Variants in SPTY2D1 observed in about 807,000 individuals in gnomAD.
SPTY2D1 encodes the protein SPT2 chromatin protein domain containing 1, also known as protein SPT2 homolog.
A neutral mutation model predicts 64.0 loss-of-function variants in SPTY2D1; 21 were observed. That is an observed-to-expected ratio of 0.33 (90% CI 0.23 to 0.47). The LOEUF (loss-of-function observed/expected upper bound fraction) is 0.47, where lower values mean the gene tolerates loss of function less well. SPTY2D1 is among the 20% of genes least tolerant of loss of function. The pLI is 1.00. For synonymous variants in SPTY2D1, 287 were observed against 286.8 expected (o/e 1.00, Z -0.01); for missense variants, 724 against 837.2 (o/e 0.86, Z 1.67).
At chr11:18,628,774 A>G (rs1473218325) in intron 1 of SPTY2D1, among the ~76,000 whole-genome samples, 1 of 152,204 alleles carries the variant, frequency 6.6e-6, no homozygotes, top group East Asian at 1.9e-4. Flanking sequence ...ATTATAGATC[A>G]AACATTACCT....
At chr11:18,617,371 A>C (rs1854315283) in intron 1 of SPTY2D1, among the ~76,000 whole-genome samples, 1 of 152,088 alleles carries the variant, frequency 6.6e-6, no homozygotes, top group South Asian at 2.1e-4. Flanking sequence ...TCATGCCTGT[A>C]ATCTCAGCAC....
chr11:18,622,268 G>A (rs1854423876), intron 1 of SPTY2D1, among the ~76,000 whole-genome samples: 1 of 151,916 alleles, frequency 6.6e-6, no homozygotes, highest in Non-Finnish European at 1.5e-5. Flanking sequence ...GGTGGCTCAT[G>A]TCTGTAATCC....
At position 18,608,711 on chromosome 11, in the gene SPTY2D1, T is replaced by C. The variant is rs1211009750; in HGVS notation, c.*1150A>G. 1 of 152,450 alleles carries C rather than the reference T, an allele frequency of 6.6e-6. No individual in the cohort carries two copies. The highest frequency in any genetic ancestry group is 2.4e-5 in the African/African-American group (1 of 41,398). The allele number at this position is 152,450 out of a possible 1,614,324, so 9.4% of individuals were successfully genotyped here. On this transcript the variant is annotated 3_prime_UTR_variant, in exon 6 of 6. Transcript: ENST00000336349. ...GCTATTAAGTCCATATTTATGACTT[T>C]AAAAAGGGTAAAAATGAGTTTCCAC...
rs145942105 is a variant in SPTY2D1 at position 18,621,257 on chromosome 11, C to A, written c.61-4268G>T. ...GTTGCAGTGAGCCGAGATCGCACCA[C>A]TGCACTTCAGCCTGGGTGATTGTAC... On this transcript the variant is annotated intron_variant, in intron 1 of 5. Coordinates refer to ENST00000336349, the MANE Select transcript of SPTY2D1 (RefSeq NM_194285.3). Among the ~76,000 whole-genome samples, 748 of 151,886 alleles carry A rather than the reference C, an allele frequency of 4.9e-3. 10 individuals are homozygous for A. The highest frequency in any genetic ancestry group is 0.017 in the African/African-American group (690 of 41,408).
chr11:18,621,280 T>C (rs902468465), intron 1 of SPTY2D1, among the ~76,000 whole-genome samples: 3 of 149,532 alleles, frequency 2.0e-5, no homozygotes, highest in Non-Finnish European at 4.4e-5. Flanking sequence ...TGGGTGATTG[T>C]ACTCTACCCT....
intron 1 of SPTY2D1, among the ~76,000 whole-genome samples, chr11:18,622,741 C>G (rs938487524): frequency 3.6e-4 from 55 of 152,130 alleles, no homozygotes; most frequent in African/African-American, 1.1e-3. Context: ...CACCTGAGGT[C>G]AGGAGTTCGA....
chr11:18,618,557 A>T (rs1406723904), intron 1 of SPTY2D1, among the ~76,000 whole-genome samples: 2 of 152,226 alleles, frequency 1.3e-5, no homozygotes, highest in Non-Finnish European at 2.9e-5. Context: ...CATTAAATCC[A>T]GGAAATAAGA....
At chr11:18,632,618 G>A (rs1293819699) in intron 1 of SPTY2D1, among the ~76,000 whole-genome samples, 1 of 152,152 alleles carries the variant, frequency 6.6e-6, no homozygotes, top group African/African-American at 2.4e-5. Context: ...CAAAGTGCTG[G>A]GATTACAGGC....
chr11:18,634,122 G>C (rs2134121181), intron 1 of SPTY2D1, 76 bp downstream of exon 1: 1 of 1,542,212 alleles, frequency 6.5e-7, no homozygotes, highest in East Asian at 2.2e-5. Context: ...CGGCTGCCCA[G>C]AAGTTCCATG....
At chr11:18,623,649 G>C (rs1179793815) in intron 1 of SPTY2D1, among the ~76,000 whole-genome samples, 1 of 152,146 alleles carries the variant, frequency 6.6e-6, no homozygotes, top group Non-Finnish European at 1.5e-5. Context: ...AAAACCCGAG[G>C]CTTCTAAGAA....
intron 3 of SPTY2D1, among the ~76,000 whole-genome samples, chr11:18,613,058 C>T (rs551449552): frequency 3.3e-5 from 5 of 152,178 alleles, no homozygotes; most frequent in African/African-American, 7.2e-5. Context: ...CCACCGCGCC[C>T]GGCCAAAATC....
Position 18,622,101 on chromosome 11 carries a change from A to AAAAAAAAAAAAAAAAAAAAAAC in SPTY2D1, c.61-5113_61-5112insGTTTTTTTTTTTTTTTTTTTTT, listed in dbSNP as rs71050618. 1.1e-3 allele frequency among the ~76,000 whole-genome samples: 93 copies of AAAAAAAAAAAAAAAAAAAAAAC among 81,388 alleles called. 8 individuals are homozygous for AAAAAAAAAAAAAAAAAAAAAAC. Among genetic ancestry groups the AAAAAAAAAAAAAAAAAAAAAAC allele is most frequent in the Non-Finnish European group, 2.1e-3 (73 of 34,832 alleles). 53.4% of individuals were successfully genotyped at this position (81,388 alleles called of 152,430 possible). On this transcript the variant is annotated intron_variant, in intron 1 of 5. Transcript: ENST00000336349. ...GACCCTATCTCAAAAAAAAAAAAAA[A>AAAAAAAAAAAAAAAAAAAAAAC]AAACCAAAACCAAAACCAAAAAAAC... is the stretch of plus-strand genomic sequence containing the variant.
At chr11:18,618,486 T>C (rs1854338377) in intron 1 of SPTY2D1, among the ~76,000 whole-genome samples, 1 of 152,204 alleles carries the variant, frequency 6.6e-6, no homozygotes, top group Non-Finnish European at 1.5e-5. Context: ...GAGAGAAATA[T>C]GACGAACATA....
At position 18,616,076 on chromosome 11, in the gene SPTY2D1, T is replaced by C; in HGVS notation, c.198A>G (p.Lys66=). ...RRKALEEKRR[K]EELVKKRIEL... Reference sequence around the variant, plus strand: ...CAATTCGCTTTTTCACTAGTTCCTCTTTTCTCCTTTTCTCCTCTAAGGCTA... The same window carrying C: ...CAATTCGCTTTTTCACTAGTTCCTCCTTTCTCCTTTTCTCCTCTAAGGCTA... Residue 66 remains lysine, a synonymous_variant, in exon 3 of 6, where the codon AAA becomes AAG. Transcript: ENST00000336349. 1 of 1,607,994 alleles carries C rather than the reference T, an allele frequency of 6.2e-7. No homozygotes were observed. The highest frequency in any genetic ancestry group is 8.5e-7 in the Non-Finnish European group (1 of 1,177,222).
chr11:18,622,103 A>AAAAAAAAAAC (rs1565161248), intron 1 of SPTY2D1, among the ~76,000 whole-genome samples: 1 of 147,956 alleles, frequency 6.8e-6, no homozygotes, highest in African/African-American at 2.5e-5. Context: ...AAAAAAAAAA[A>AAAAAAAAAAC]ACCAAAACCA....
Position 18,609,694 on chromosome 11 carries a change from C to G in SPTY2D1, c.*167G>C. The G allele has an allele frequency of 4.8e-6, 3 of 625,782 alleles. No homozygotes were observed. Among genetic ancestry groups the G allele is most frequent in the East Asian group, 2.8e-5 (1 of 36,206 alleles). The allele number at this position is 625,782 out of a possible 1,614,324, so 38.8% of individuals were successfully genotyped here. A position where few individuals can be genotyped will look rare whatever the true frequency, so the allele number is the denominator to read the frequency against. On this transcript the variant is annotated 3_prime_UTR_variant, in exon 6 of 6. Coordinates refer to ENST00000336349, the MANE Select transcript of SPTY2D1 (RefSeq NM_194285.3). Reference sequence around the variant, plus strand: ...TTACAGATTTCACCCTGGAAAATATCTGAAAATATTTTATGCTCAAATGAC... The same window carrying G: ...TTACAGATTTCACCCTGGAAAATATGTGAAAATATTTTATGCTCAAATGAC...
intron 1 of SPTY2D1, among the ~76,000 whole-genome samples, chr11:18,632,258 T>A (rs1004036303): frequency 4.6e-5 from 7 of 152,282 alleles, no homozygotes; most frequent in African/African-American, 1.7e-4. Flanking sequence ...AGAATTATAA[T>A]GCTGGTAACT....
chr11:18,626,285 A>G (rs887274464), intron 1 of SPTY2D1, among the ~76,000 whole-genome samples: 1 of 152,222 alleles, frequency 6.6e-6, no homozygotes, highest in Admixed American at 6.5e-5. Flanking sequence ...TACTTCTGTT[A>G]ACCATGCTGG....
In SPTY2D1 at chr11:18,618,431, G is replaced by A. The variant is rs559746680; in HGVS notation, c.61-1442C>T. On this transcript the variant is annotated intron_variant, in intron 1 of 5. Coordinates refer to ENST00000336349, the MANE Select transcript of SPTY2D1 (RefSeq NM_194285.3). ...TACTAAACTCAAGTAATGTTAATTT[G>A]AACTATAAAAGGAAAAATATTTCCA... 9.2e-5 allele frequency among the ~76,000 whole-genome samples: 14 copies of A among 152,148 alleles called. No homozygotes were observed. In the East Asian group the frequency reaches 1.9e-3, roughly 21 times the overall value.
Sources: allele counts gnomAD v4.1 joint callset (sites outside exome capture counted in the v4.1 genomes callset), GRCh38; gene constraint gnomAD v4.1.1; transcripts MANE v1.5; gene names NCBI Gene and HGNC (gene_info 2026-07-23, HGNC 2026-07-21).